LRRC8A: variants seen among roughly 807,000 people sequenced by gnomAD.
LRRC8A encodes the protein volume-regulated anion channel subunit LRRC8A.
A neutral mutation model predicts 52.5 loss-of-function variants in LRRC8A; 24 were observed. The observed-to-expected ratio is 0.46, with a 90% CI of 0.33 to 0.64. The LOEUF (loss-of-function observed/expected upper bound fraction) is 0.64. LRRC8A is among the 30% of genes least tolerant of loss of function. The pLI is 0.02. For synonymous variants in LRRC8A, 492 were observed against 494.2 expected (o/e 1.00, Z 0.06); for missense variants, 677 against 1,094.7 (o/e 0.62, Z 5.38).
intron 3 of LRRC8A, among the ~76,000 whole-genome samples, chr9:128,912,176 G>A (rs1362878197): frequency 6.6e-6 from 1 of 152,184 alleles, no homozygotes; most frequent in Non-Finnish European, 1.5e-5. Flanking sequence ...TCCCACCTTG[G>A]CCGCCCAAAG....
intron 2 of LRRC8A, among the ~76,000 whole-genome samples, chr9:128,888,239 G>A (rs1839473946): frequency 6.6e-6 from 1 of 152,144 alleles, no homozygotes; most frequent in South Asian, 2.1e-4. Context: ...TTCATGCTGG[G>A]CAGCGCTGAG....
intron 2 of LRRC8A, among the ~76,000 whole-genome samples, chr9:128,903,328 T>C (rs1417764913): frequency 6.6e-6 from 1 of 152,098 alleles, no homozygotes; most frequent in Non-Finnish European, 1.5e-5. Context: ...GGTCCTGCTC[T>C]GCCTTCCTCC....
Position 128,907,961 on chromosome 9 carries a change from G to A in LRRC8A, c.797G>A (p.Arg266Gln), listed in dbSNP as rs779987345. ...GACATTGTGTACCGCCTCTACATGC[G>A]GCAGACCATCATCAAGGTGATCAAG... ...EGDIVYRLYMRQTIIKVIKFI... is the reference protein window; with the variant it reads ...EGDIVYRLYMQQTIIKVIKFI... The change falls in exon 3 of 4, where the codon CGG becomes CAG. Residue 266 changes from arginine to glutamine, a missense_variant. By Grantham distance (43) the Arg-to-Gln change is conservative. Transcript: ENST00000372600. The surrounding 1 kb of genome is among the most constrained non-coding windows in gnomAD (Gnocchi z 9.3). 7.4e-6 allele frequency: 12 copies of A among 1,613,946 alleles called. No homozygotes were observed. The highest frequency in any genetic ancestry group is 2.2e-5 in the East Asian group (1 of 44,884).
chr9:128,897,409 C>T (rs1333547552), intron 2 of LRRC8A, among the ~76,000 whole-genome samples: 1 of 151,634 alleles, frequency 6.6e-6, no homozygotes, highest in African/African-American at 2.4e-5. Context: ...GACAGGATTC[C>T]GCCATGTTGG....
At chr9:128,900,160 C>G (rs1400100905) in intron 2 of LRRC8A, among the ~76,000 whole-genome samples, 5 of 152,216 alleles carry the variant, frequency 3.3e-5, no homozygotes, top group Admixed American at 3.3e-4. Flanking sequence ...AGCTGCCTTC[C>G]CTACCCCAGC....
At chr9:128,910,863 G>C (rs982319656) in intron 3 of LRRC8A, among the ~76,000 whole-genome samples, 2 of 152,156 alleles carry the variant, frequency 1.3e-5, no homozygotes, top group Non-Finnish European at 2.9e-5. Flanking sequence ...TGCAGCCTCC[G>C]TGTGGCAACC....
chr9:128,902,555 A>G lies in LRRC8A; in HGVS notation c.-8-4602A>G, dbSNP rs1840067705. On this transcript the variant is annotated intron_variant, in intron 2 of 3. Coordinates refer to ENST00000372600, the MANE Select transcript of LRRC8A (RefSeq NM_019594.4). The surrounding 1 kb of genome is among the most constrained non-coding windows in gnomAD (Gnocchi z 4.1). ...ATTGTCACCACATCCTGCCCGCTCA[A>G]ACAGCCGCGCCCGCCCTGGCTGTCT... Among the ~76,000 whole-genome samples the G allele has an allele frequency of 6.6e-6, 1 of 152,140 alleles. No homozygotes were observed. Among genetic ancestry groups the G allele is most frequent in the Non-Finnish European group, 1.5e-5 (1 of 68,004 alleles).
Position 128,907,443 on chromosome 9 carries a change from C to T in LRRC8A, c.279C>T (p.Gly93=). 1 of 1,613,696 alleles carries T rather than the reference C, an allele frequency of 6.2e-7. No homozygotes were observed. Among genetic ancestry groups the T allele is most frequent in the South Asian group, 1.1e-5 (1 of 91,084 alleles). ...NSTILPTPDT[G]PTGIKYDLDR... is the part of the protein sequence containing the mutation. ...CCATTCTGCCGACCCCTGACACGGG[C>T]CCCACAGGCATCAAGTATGACCTGG... The change falls in exon 3 of 4, where the codon GGC becomes GGT. Residue 93 remains glycine, a synonymous_variant. Coordinates refer to ENST00000372600, the MANE Select transcript of LRRC8A (RefSeq NM_019594.4). This position sits in a 1 kb window ranked among gnomAD's most constrained non-coding sequence, Gnocchi z 9.3.
intron 2 of LRRC8A, among the ~76,000 whole-genome samples, chr9:128,893,725 G>A (rs1300239938): frequency 6.6e-6 from 1 of 152,046 alleles, no homozygotes; most frequent in Non-Finnish European, 1.5e-5. Flanking sequence ...TTTCCAAGCA[G>A]TTTTTCTACT....
chr9:128,899,297 G>C lies in LRRC8A; in HGVS notation c.-8-7860G>C, dbSNP rs1839938505. 6.6e-6 allele frequency among the ~76,000 whole-genome samples: 1 copy of C among 152,134 alleles called. No individual in the cohort carries two copies. On this transcript the variant is annotated intron_variant, in intron 2 of 3. Coordinates refer to ENST00000372600, the MANE Select transcript of LRRC8A (RefSeq NM_019594.4). The surrounding 1 kb of genome is among the most constrained non-coding windows in gnomAD (Gnocchi z 4.0). ...GCAAGGGCACTTTCCGTAAGGCAGA[G>C]ATAGCCCAGCCACCCCCACCCCACG...
At chr9:128,915,452 G>A (rs528113311) in intron 3 of LRRC8A, among the ~76,000 whole-genome samples, 14 of 152,248 alleles carry the variant, frequency 9.2e-5, no homozygotes, top group Non-Finnish European at 8.8e-5. Flanking sequence ...AGCCTCCCGA[G>A]TAGCTGGGAC....
chr9:128,893,689 C>T (rs1839713303), intron 2 of LRRC8A, among the ~76,000 whole-genome samples: 1 of 152,036 alleles, frequency 6.6e-6, no homozygotes, highest in African/African-American at 2.4e-5. Flanking sequence ...TGAGAAACCA[C>T]ACAGTGAGGA....
At chr9:128,913,469 A>G (rs910202534) in intron 3 of LRRC8A, among the ~76,000 whole-genome samples, 2 of 152,160 alleles carry the variant, frequency 1.3e-5, no homozygotes, top group Admixed American at 6.5e-5. Context: ...GCCGGCGACA[A>G]TCCGACAATC....
chr9:128,914,334 G>A (rs1840708607), intron 3 of LRRC8A, among the ~76,000 whole-genome samples: 1 of 152,088 alleles, frequency 6.6e-6, no homozygotes, highest in African/African-American at 2.4e-5. Flanking sequence ...GAGAGAGCAG[G>A]TGCCCGTGAG....
At chr9:128,912,152 C>G (rs147391304) in intron 3 of LRRC8A, among the ~76,000 whole-genome samples, 1 of 152,316 alleles carries the variant, frequency 6.6e-6, no homozygotes, top group Non-Finnish European at 1.5e-5. Flanking sequence ...CTTTAAACTC[C>G]TGGCCTCAAA....
chr9:128,892,450 G>C lies in LRRC8A; in HGVS notation c.-9+6329G>C, dbSNP rs1053350746. On this transcript the variant is annotated intron_variant, in intron 2 of 3. Transcript: ENST00000372600. This position sits in a 1 kb window ranked among gnomAD's most constrained non-coding sequence, Gnocchi z 5.2. ...CTGTTTGGGAGCCCAGCCCAGGTGA[G>C]AGCAGTTTGGAACTGACCCGTGCTC... Among the ~76,000 whole-genome samples, 2 of 152,192 alleles carry C rather than the reference G, an allele frequency of 1.3e-5. No homozygotes were observed. Among genetic ancestry groups the C allele is most frequent in the Non-Finnish European group, 2.9e-5 (2 of 68,018 alleles).
At position 128,882,600 on chromosome 9, in the gene LRRC8A, G is replaced by A. The variant is rs1488330655; in HGVS notation, c.-116+350G>A. 2.5e-5 allele frequency: 10 copies of A among 397,764 alleles called. No homozygotes were observed. The East Asian group carries it at 2.9e-4, about 11-fold the overall frequency. 24.6% of individuals were successfully genotyped at this position (397,764 alleles called of 1,614,324 possible). ...CTCACCCCTCCACACACACTCTCCC[G>A]TTCCTAGAGGTTCCACCTCTGGGCT... On this transcript the variant is annotated intron_variant, in intron 1 of 3. Transcript: ENST00000372600.
intron 1 of LRRC8A, among the ~76,000 whole-genome samples, chr9:128,884,171 T>A (rs1839294491): frequency 6.6e-6 from 1 of 152,144 alleles, no homozygotes; most frequent in South Asian, 2.1e-4. Flanking sequence ...CTCAGGGAAG[T>A]GGCCGGACCC....
chr9:128,892,572 C>T lies in LRRC8A; in HGVS notation c.-9+6451C>T, dbSNP rs893622054. On this transcript the variant is annotated intron_variant, in intron 2 of 3. Coordinates refer to ENST00000372600, the MANE Select transcript of LRRC8A (RefSeq NM_019594.4). The surrounding 1 kb of genome is among the most constrained non-coding windows in gnomAD (Gnocchi z 5.2). ...GGCGAGTCCCAAGCCAGGCAACACC[C>T]CCAGCCAGCAGCCTCTGACTCACCC... 3.9e-5 allele frequency among the ~76,000 whole-genome samples: 6 copies of T among 152,192 alleles called. No individual in the cohort carries two copies. Among genetic ancestry groups the T allele is most frequent in the African/African-American group, 1.4e-4 (6 of 41,452 alleles).
Sources: gnomAD v4.1 joint callset for allele counts (sites outside exome capture counted in the v4.1 genomes callset) on GRCh38, gnomAD v4.1.1 for gene constraint, Gnocchi (gnomAD v3.1) non-coding constraint, MANE v1.5 for transcripts, NCBI Gene and HGNC (gene_info 2026-07-23, HGNC 2026-07-21) for gene names.